Variants in TSPAN18 observed in about 807,000 individuals in gnomAD.
The protein encoded by TSPAN18 is tetraspanin 18.
TSPAN18 carries 14 observed loss-of-function variants against 27.3 expected under a neutral mutation model. That is an observed-to-expected ratio of 0.51 (90% CI 0.34 to 0.80). The LOEUF (loss-of-function observed/expected upper bound fraction) is 0.80, where lower values mean the gene tolerates loss of function less well. Ranked by LOEUF, TSPAN18 falls within the 30% of genes least tolerant of loss-of-function variation. The pLI, the probability that TSPAN18 is intolerant of heterozygous loss-of-function variation, is 0.01. For synonymous variants in TSPAN18, 143 were observed against 136.5 expected, an observed-to-expected ratio of 1.05 and a Z score of -0.33; for missense variants, 268 against 323.9, an observed-to-expected ratio of 0.83 and a Z score of 1.32.
chr11:44,827,396 G>A (rs1857066707), intron 2 of TSPAN18, among the ~76,000 whole-genome samples: 1 of 152,248 alleles, frequency 6.6e-6, no homozygotes, highest in East Asian at 1.9e-4. Context: ...CTGAATGTCT[G>A]TGCAGACAGG....
intron 2 of TSPAN18, among the ~76,000 whole-genome samples, chr11:44,812,829 A>G (rs1298526205): frequency 2.0e-5 from 3 of 152,114 alleles, no homozygotes; most frequent in Non-Finnish European, 4.4e-5. Context: ...CTTTGGCACC[A>G]TTGGGGTCCC....
intron 2 of TSPAN18, among the ~76,000 whole-genome samples, chr11:44,844,684 CTT>C (rs1211184910): frequency 6.6e-6 from 1 of 152,160 alleles, no homozygotes; most frequent in Non-Finnish European, 1.5e-5. Flanking sequence ...GTTGTTTTCT[CTT>C]TTTTTCTTAT....
intron 3 of TSPAN18, among the ~76,000 whole-genome samples, chr11:44,896,224 T>C (rs774047644): frequency 3.3e-5 from 5 of 152,114 alleles, no homozygotes; most frequent in African/African-American, 4.8e-5. Flanking sequence ...CGTGGGCTAT[T>C]GTGAGGATTC....
At chr11:44,780,287 G>T (rs1389914208) in intron 2 of TSPAN18, among the ~76,000 whole-genome samples, 1 of 152,224 alleles carries the variant, frequency 6.6e-6, no homozygotes, top group African/African-American at 2.4e-5. Flanking sequence ...TGGGCCTGCA[G>T]GACTCAGGAT....
intron 2 of TSPAN18, among the ~76,000 whole-genome samples, chr11:44,776,434 C>T (rs774668110): frequency 1.1e-4 from 16 of 151,900 alleles, no homozygotes; most frequent in Non-Finnish European, 1.9e-4. Context: ...GAATTGGGCA[C>T]GATAACCTTT....
At chr11:44,853,165 A>G (rs1161427480) in intron 2 of TSPAN18, among the ~76,000 whole-genome samples, 1 of 152,180 alleles carries the variant, frequency 6.6e-6, no homozygotes, top group Non-Finnish European at 1.5e-5. Context: ...TCCAAGCTTC[A>G]TTCCTGAAGA....
intron 3 of TSPAN18, among the ~76,000 whole-genome samples, chr11:44,887,093 T>G (rs1163561168): frequency 6.6e-6 from 1 of 152,256 alleles, no homozygotes; most frequent in Non-Finnish European, 1.5e-5. Flanking sequence ...ATTTGATTTT[T>G]ATTTTTTATT....
intron 2 of TSPAN18, among the ~76,000 whole-genome samples, chr11:44,823,697 G>A (rs1312212091): frequency 2.6e-5 from 4 of 152,106 alleles, no homozygotes; most frequent in Non-Finnish European, 5.9e-5. Context: ...CAGCTTGGAG[G>A]TGAGGTTTCA....
chr11:44,735,149 A>G (rs1353877918), intron 1 of TSPAN18, among the ~76,000 whole-genome samples: 2 of 152,150 alleles, frequency 1.3e-5, no homozygotes, highest in East Asian at 1.9e-4. Context: ...CTTCCCCTGC[A>G]GCTGGATTTA....
chr11:44,854,075 A>T lies in TSPAN18; in HGVS notation c.-152-6253A>T, dbSNP rs372555241. On this transcript the variant is annotated intron_variant, in intron 2 of 9. Transcript: ENST00000520358. Reference sequence around the variant, plus strand: ...TGTATTAATCGTATTGATTAATTACACTCAGGTAGTAATTAAACATCTGCT... The same window carrying T: ...TGTATTAATCGTATTGATTAATTACTCTCAGGTAGTAATTAAACATCTGCT... Among the ~76,000 whole-genome samples, 40 of 152,170 alleles carry T rather than the reference A, an allele frequency of 2.6e-4. No individual in the cohort carries two copies. In the East Asian group the frequency reaches 3.3e-3, roughly 12 times the overall value.
At chr11:44,839,337 A>G (rs1401910923) in intron 2 of TSPAN18, among the ~76,000 whole-genome samples, 2 of 152,122 alleles carry the variant, frequency 1.3e-5, no homozygotes, top group African/African-American at 4.8e-5. Flanking sequence ...GCAAAAAGAG[A>G]AACCATTTCT....
At chr11:44,858,224 C>A (rs976868222) in intron 2 of TSPAN18, among the ~76,000 whole-genome samples, 1 of 152,210 alleles carries the variant, frequency 6.6e-6, no homozygotes, top group Non-Finnish European at 1.5e-5. Flanking sequence ...CTGCCCCCCA[C>A]TCCCACATCT....
chr11:44,895,982 A>G (rs72901356), intron 3 of TSPAN18, among the ~76,000 whole-genome samples: 21,460 of 152,186 alleles, frequency 0.14, 2,024 homozygotes, highest in Non-Finnish European at 0.19. Context: ...GGCATCTCCA[A>G]GCCTCAATTT....
At chr11:44,798,743 G>A (rs936156343) in intron 2 of TSPAN18, among the ~76,000 whole-genome samples, 1 of 152,220 alleles carries the variant, frequency 6.6e-6, no homozygotes, top group African/African-American at 2.4e-5. Context: ...GCTAGAGTGA[G>A]GAAGCTCTGC....
At chr11:44,864,321 G>A (rs1857977987) in intron 3 of TSPAN18, among the ~76,000 whole-genome samples, 1 of 151,516 alleles carries the variant, frequency 6.6e-6, no homozygotes, top group Non-Finnish European at 1.5e-5. Flanking sequence ...GTGATGGGGT[G>A]GGGTGTCACA....
At chr11:44,790,144 C>CGTGTGTGCGTGTGT (rs1565150148) in intron 2 of TSPAN18, among the ~76,000 whole-genome samples, 7 of 138,324 alleles carry the variant, frequency 5.1e-5, no homozygotes, top group Non-Finnish European at 3.4e-5. Flanking sequence ...TTTCCACCCG[C>CGTGTGTGCGTGTGT]GTGTGTGCAT....
intron 9 of TSPAN18, among the ~76,000 whole-genome samples, chr11:44,928,691 CAGG>C (rs1860458074): frequency 6.6e-6 from 1 of 152,064 alleles, no homozygotes; most frequent in Non-Finnish European, 1.5e-5. Context: ...GAGGCTGAGG[CAGG>C]AGAATTGCTT....
At chr11:44,771,508 G>A (rs555086309) in intron 2 of TSPAN18, among the ~76,000 whole-genome samples, 1 of 152,344 alleles carries the variant, frequency 6.6e-6, no homozygotes, top group East Asian at 1.9e-4. Context: ...GACAGGAGCA[G>A]CAGATGCATT....
chr11:44,897,498 C>A (rs1177941706), intron 3 of TSPAN18, among the ~76,000 whole-genome samples: 1 of 152,206 alleles, frequency 6.6e-6, no homozygotes, highest in South Asian at 2.1e-4. Flanking sequence ...ATCTGCAAGT[C>A]TATTAAAGAT....
Sources: gnomAD v4.1 joint callset for allele counts (sites outside exome capture counted in the v4.1 genomes callset) on GRCh38, gnomAD v4.1.1 for gene constraint, MANE v1.5 for transcripts, NCBI Gene and HGNC (gene_info 2026-07-23, HGNC 2026-07-21) for gene names.